Variants in RANBP2 observed in about 807,000 individuals in gnomAD.
The protein encoded by RANBP2 is RAN binding protein 2.
A neutral mutation model predicts 303.6 loss-of-function variants in RANBP2; 57 were observed. That is an observed-to-expected ratio of 0.19 (90% CI 0.15 to 0.23). RANBP2 has a LOEUF of 0.23. RANBP2 is among the 10% of genes least tolerant of loss of function. RANBP2 has a pLI of 1.00. For synonymous variants in RANBP2, 1,167 were observed against 1,301.5 expected (o/e 0.90, Z 2.23); for missense variants, 3,138 against 3,780.8 (o/e 0.83, Z 4.46).
At chr2:109,686,718 C>T in the RANBP2 span, among the ~76,000 whole-genome samples, 1 of 152,138 alleles carries the variant, frequency 6.6e-6, no homozygotes. Context: ...CTCAAGCAAT[C>T]TTCCTGTCTC....
the RANBP2 span, among the ~76,000 whole-genome samples, chr2:109,426,024 G>C: frequency 4.6e-5 from 7 of 151,960 alleles, no homozygotes; most frequent in Non-Finnish European, 1.0e-4. Flanking sequence ...CAGCCTTCCC[G>C]GTAGCTGGGA....
the RANBP2 span, among the ~76,000 whole-genome samples, chr2:109,549,735 T>G: frequency 6.6e-6 from 1 of 152,168 alleles, no homozygotes; most frequent in Non-Finnish European, 1.5e-5. Context: ...ACCCTATGTT[T>G]TTTCCTATAT....
At chr2:109,727,824 A>G in the RANBP2 span, among the ~76,000 whole-genome samples, 1 of 152,188 alleles carries the variant, frequency 6.6e-6, no homozygotes, top group Non-Finnish European at 1.5e-5. Context: ...TCTTAAAAAT[A>G]CCTACAGTAT....
At chr2:109,383,978 TC>T in the RANBP2 span, among the ~76,000 whole-genome samples, 1 of 152,204 alleles carries the variant, frequency 6.6e-6, no homozygotes, top group African/African-American at 2.4e-5. Context: ...CACAAACAGT[TC>T]CTTCAGGGCT....
the RANBP2 span, among the ~76,000 whole-genome samples, chr2:109,316,631 C>G: frequency 2.0e-4 from 31 of 152,222 alleles, no homozygotes; most frequent in African/African-American, 2.4e-4. Context: ...TGCCCCGCCC[C>G]CATGTGCAGC....
the RANBP2 span, among the ~76,000 whole-genome samples, chr2:108,834,707 T>C: frequency 6.6e-6 from 1 of 152,216 alleles, no homozygotes; most frequent in Non-Finnish European, 1.5e-5. Flanking sequence ...ATTTCAAGAA[T>C]TTTTCATTAT....
the RANBP2 span, among the ~76,000 whole-genome samples, chr2:108,890,338 A>G: frequency 2.3e-4 from 34 of 148,426 alleles, no homozygotes; most frequent in Admixed American, 8.2e-4. Context: ...TCTGCCTCCC[A>G]GGCTTAAGCA....
chr2:109,133,863 T>G, the RANBP2 span, among the ~76,000 whole-genome samples: 3 of 152,094 alleles, frequency 2.0e-5, no homozygotes, highest in Non-Finnish European at 4.4e-5. Flanking sequence ...AGCACAGGCT[T>G]CCCCAGGCAG....
chr2:109,204,964 C>T, the RANBP2 span, among the ~76,000 whole-genome samples: 2 of 152,100 alleles, frequency 1.3e-5, no homozygotes, highest in Non-Finnish European at 1.5e-5. Flanking sequence ...TCCTTGTGCT[C>T]CAGGAGGCTG....
chr2:109,136,081 C>A, the RANBP2 span, among the ~76,000 whole-genome samples: 69 of 152,304 alleles, frequency 4.5e-4, no homozygotes, highest in African/African-American at 1.6e-3. Context: ...ATTGTTTCTT[C>A]CTCCTGGCTT....
the RANBP2 span, among the ~76,000 whole-genome samples, chr2:109,340,356 A>G: frequency 1.3e-5 from 2 of 152,242 alleles, no homozygotes; most frequent in Non-Finnish European, 2.9e-5. Context: ...TGCTCAGGAC[A>G]GGAAGGGGCA....
At chr2:109,040,109 G>A in the RANBP2 span, among the ~76,000 whole-genome samples, 1 of 151,976 alleles carries the variant, frequency 6.6e-6, no homozygotes, top group Admixed American at 6.6e-5. Flanking sequence ...GCTCTATAAT[G>A]CACCTGGAAT....
At chr2:109,624,769 C>T in the RANBP2 span, among the ~76,000 whole-genome samples, 1 of 152,132 alleles carries the variant, frequency 6.6e-6, no homozygotes, top group East Asian at 1.9e-4. Flanking sequence ...TTGGAACCAG[C>T]AGTATCCTCT....
chr2:109,528,244 G>A, the RANBP2 span, among the ~76,000 whole-genome samples: 3 of 152,118 alleles, frequency 2.0e-5, no homozygotes, highest in Admixed American at 6.5e-5. Context: ...CCTGTGCCCC[G>A]CTGTGCCCTG....
the RANBP2 span, among the ~76,000 whole-genome samples, chr2:109,054,494 C>T: frequency 1.3e-5 from 2 of 152,054 alleles, no homozygotes; most frequent in Non-Finnish European, 2.9e-5. Context: ...ATCACGAGGT[C>T]AAGAGATTGA....
At chr2:109,509,636 C>T in the RANBP2 span, among the ~76,000 whole-genome samples, 20 of 152,078 alleles carry the variant, frequency 1.3e-4, no homozygotes, top group African/African-American at 4.6e-4. Flanking sequence ...TTTAGTGTAT[C>T]CATCACCCGA....
At chr2:109,401,523 A>G in the RANBP2 span, among the ~76,000 whole-genome samples, 1,128 of 152,340 alleles carry the variant, frequency 7.4e-3, 14 homozygotes, top group East Asian at 0.052. Flanking sequence ...CCTGACAAGT[A>G]TCTGGCCTGT....
chr2:109,616,361 T>TG, the RANBP2 span: 196 of 237,256 alleles, frequency 8.3e-4, 1 homozygote, highest in Non-Finnish European at 2.7e-4. Context: ...ATGAATGAAT[T>TG]AATGAATGAG....
the RANBP2 span, among the ~76,000 whole-genome samples, chr2:109,379,663 A>G: frequency 6.6e-6 from 1 of 152,158 alleles, no homozygotes; most frequent in African/African-American, 2.4e-5. Context: ...CTCCTGCCGC[A>G]GCGACAGCCT....
Sources: gnomAD v4.1 joint callset for allele counts (sites outside exome capture counted in the v4.1 genomes callset) on GRCh38, gnomAD v4.1.1 for gene constraint, MANE v1.5 for transcripts, NCBI Gene and HGNC (gene_info 2026-07-23, HGNC 2026-07-21) for gene names.